MATN2: variants seen among roughly 807,000 people sequenced by gnomAD.
MATN2 encodes the protein matrilin-2.
Under a neutral mutation model 103.2 loss-of-function variants are expected in MATN2, and 69 were observed. The ratio of observed to expected loss-of-function variants is 0.67; its 90% CI spans 0.55 to 0.82. The LOEUF (loss-of-function observed/expected upper bound fraction) is 0.82. Ranked by LOEUF, MATN2 falls within the 40% of genes least tolerant of loss-of-function variation. MATN2 has a pLI of 0.00. For synonymous variants in MATN2, 429 were observed against 450.2 expected (o/e 0.95, Z 0.60); for missense variants, 1,023 against 1,211.5 (o/e 0.84, Z 2.31).
intron 7 of MATN2, among the ~76,000 whole-genome samples, chr8:97,997,085 T>G (rs1812610334): frequency 6.6e-6 from 1 of 152,212 alleles, no homozygotes; most frequent in Admixed American, 6.5e-5. Context: ...CATGAATTAT[T>G]AAGGCAGTAG....
At position 97,994,594 on chromosome 8, in the gene MATN2, C is replaced by T. The variant is rs1442494498; in HGVS notation, c.1196C>T (p.Thr399Ile). The change falls in exon 7 of 19, where the codon ACC (threonine) becomes ATC (isoleucine). Residue 399 changes from threonine to isoleucine, a missense_variant. By Grantham distance (89) the Thr-to-Ile change is moderately conservative (BLOSUM62 -1). Coordinates refer to ENST00000254898, the MANE Select transcript of MATN2 (RefSeq NM_002380.5). Reference sequence around the variant, plus strand: ...TTTACCCTGAATCCAGATAAGAAAACCTGCAGAAGTAAGTTACAGTGGGAG... The same window carrying T: ...TTTACCCTGAATCCAGATAAGAAAATCTGCAGAAGTAAGTTACAGTGGGAG... Reference protein sequence around the residue: ...KGFTLNPDKKTCRRINYCALN... With the variant: ...KGFTLNPDKKICRRINYCALN... The T allele has an allele frequency of 3.1e-6, 5 of 1,611,268 alleles. No individual in the cohort carries two copies. Among genetic ancestry groups the T allele is most frequent in the Non-Finnish European group, 4.2e-6 (5 of 1,179,310 alleles).
At chr8:97,935,900 C>A (rs1810356724) in intron 3 of MATN2, among the ~76,000 whole-genome samples, 1 of 152,174 alleles carries the variant, frequency 6.6e-6, no homozygotes, top group African/African-American at 2.4e-5. Context: ...AAGGCAGGAC[C>A]TTTATCATAC....
chr8:97,952,484 T>C (rs1810988404), intron 4 of MATN2, among the ~76,000 whole-genome samples: 1 of 152,204 alleles, frequency 6.6e-6, no homozygotes, highest in Admixed American at 6.5e-5. Flanking sequence ...CCCTCAGTTC[T>C]GCCTCCTTCC....
At position 97,939,152 on chromosome 8, in the gene MATN2, C is replaced by G. The variant is rs192387243; in HGVS notation, c.713-2625C>G. 1.1e-4 allele frequency among the ~76,000 whole-genome samples: 16 copies of G among 152,152 alleles called. No homozygotes were observed. The East Asian group carries it at 3.1e-3, about 29-fold the overall frequency. ...TTGGCCTCCCAAAGTGCTGAGATTA[C>G]AGGTGTGAGCCACCATGCCTGGCCG... On this transcript the variant is annotated intron_variant, in intron 3 of 18. Coordinates refer to ENST00000254898, the MANE Select transcript of MATN2 (RefSeq NM_002380.5).
intron 14 of MATN2, among the ~76,000 whole-genome samples, chr8:98,029,582 G>T (rs1378121): frequency 0.093 from 14,194 of 152,224 alleles, 932 homozygotes; most frequent in Admixed American, 0.19. Context: ...TTTTTAGGAA[G>T]TCGTGCATAA....
intron 10 of MATN2, among the ~76,000 whole-genome samples, chr8:98,011,459 G>A (rs1586154899): frequency 1.3e-5 from 2 of 152,324 alleles, no homozygotes; most frequent in Admixed American, 1.3e-4. Context: ...ATGCCTCCAA[G>A]CTGGCCCTGG....
At chr8:98,000,298 C>T (rs1430477747) in intron 7 of MATN2, among the ~76,000 whole-genome samples, 2 of 151,824 alleles carry the variant, frequency 1.3e-5, no homozygotes, top group African/African-American at 4.8e-5. Context: ...AATTCCTCAG[C>T]TTTGAAATAT....
chr8:98,018,653 A>G (rs74347644), intron 12 of MATN2, among the ~76,000 whole-genome samples: 13,857 of 152,214 alleles, frequency 0.091, 1,975 homozygotes, highest in African/African-American at 0.31. Context: ...TGACGGGCAC[A>G]TCTCACATGG....
At chr8:97,928,330 G>T (rs1482935934) in intron 2 of MATN2, among the ~76,000 whole-genome samples, 1 of 148,304 alleles carries the variant, frequency 6.7e-6, no homozygotes, top group Non-Finnish European at 1.5e-5. Context: ...GGGTTCAAGT[G>T]ATTCTCCCGC....
At chr8:97,895,620 A>G (rs1423514440) in intron 2 of MATN2, among the ~76,000 whole-genome samples, 1 of 152,130 alleles carries the variant, frequency 6.6e-6, no homozygotes, top group African/African-American at 2.4e-5. Flanking sequence ...CATTTTAGCT[A>G]TTTTTGCACT....
At chr8:97,991,118 A>G (rs992600286) in intron 6 of MATN2, among the ~76,000 whole-genome samples, 4 of 152,206 alleles carry the variant, frequency 2.6e-5, no homozygotes, top group African/African-American at 9.6e-5. Flanking sequence ...GCCCATCACT[A>G]TCCTATGGGA....
intron 11 of MATN2, 136 bp downstream of exon 11, chr8:98,016,798 G>GACACT: frequency 2.1e-6 from 2 of 966,892 alleles, no homozygotes; most frequent in Non-Finnish European, 3.1e-6. Context: ...TCCTGGATAG[G>GACACT]ACCCTGAAAG....
At chr8:97,980,799 C>A (rs761907602) in intron 6 of MATN2, among the ~76,000 whole-genome samples, 1 of 151,866 alleles carries the variant, frequency 6.6e-6, no homozygotes, top group African/African-American at 2.4e-5. Flanking sequence ...GAATCCCTGA[C>A]CTCAAGTGAT....
chr8:98,013,345 A>T (rs1813239532), intron 10 of MATN2, among the ~76,000 whole-genome samples: 1 of 152,208 alleles, frequency 6.6e-6, no homozygotes, highest in Non-Finnish European at 1.5e-5. Flanking sequence ...TGTGTGGGAG[A>T]GAGTGGGAAG....
At chr8:98,013,661 G>A (rs996805510) in intron 10 of MATN2, among the ~76,000 whole-genome samples, 1 of 152,210 alleles carries the variant, frequency 6.6e-6, no homozygotes, top group African/African-American at 2.4e-5. Flanking sequence ...TACATTGTTG[G>A]TGAGAGTAGA....
At position 97,941,772 on chromosome 8, in the gene MATN2, T is replaced by C; in HGVS notation, c.713-5T>C. The C allele has an allele frequency of 6.3e-7, 1 of 1,582,488 alleles. No homozygotes were observed. The highest frequency in any genetic ancestry group is 8.6e-7 in the Non-Finnish European group (1 of 1,163,798). ...TGACTTACCTTCCTGTGTCTTCCCT[T>C]TCAGCGGCCCATATGTGCAGCACCC... is the stretch of plus-strand genomic sequence containing the variant. On this transcript the variant is annotated splice_region_variant and splice_polypyrimidine_tract_variant and intron_variant, in intron 3 of 18. Coordinates refer to ENST00000254898, the MANE Select transcript of MATN2 (RefSeq NM_002380.5).
At chr8:97,965,272 A>C (rs1045561571) in intron 5 of MATN2, among the ~76,000 whole-genome samples, 1 of 152,220 alleles carries the variant, frequency 6.6e-6, no homozygotes, top group Admixed American at 6.5e-5. Context: ...CCTAGATTTT[A>C]TCTCTGAAAA....
At chr8:98,015,049 T>G (rs984680075) in intron 10 of MATN2, among the ~76,000 whole-genome samples, 15 of 152,212 alleles carry the variant, frequency 9.9e-5, no homozygotes, top group Admixed American at 9.8e-4. Flanking sequence ...ACAAACCTTC[T>G]AGTCCCCCAG....
At chr8:97,870,887 T>TA (rs1246583940) in intron 1 of MATN2, among the ~76,000 whole-genome samples, 1 of 152,232 alleles carries the variant, frequency 6.6e-6, no homozygotes, top group Admixed American at 6.5e-5. Context: ...ATGAGATACT[T>TA]ATGGCTCTTC....
Sources: gnomAD v4.1 joint callset for allele counts (sites outside exome capture counted in the v4.1 genomes callset) on GRCh38, gnomAD v4.1.1 for gene constraint, MANE v1.5 for transcripts, NCBI Gene and HGNC (gene_info 2026-07-23, HGNC 2026-07-21) for gene names.